SCAPER: variants seen among roughly 807,000 people sequenced by gnomAD.
SCAPER encodes the protein S phase cyclin A-associated protein in the endoplasmic reticulum.
Under a neutral mutation model 182.2 loss-of-function variants are expected in SCAPER, and 98 were observed. That is an observed-to-expected ratio of 0.54 (90% CI 0.46 to 0.64). SCAPER has a LOEUF of 0.64. Ranked by LOEUF, SCAPER falls within the 30% of genes least tolerant of loss-of-function variation. The pLI, the probability that SCAPER is intolerant of heterozygous loss-of-function variation, is 0.00. For synonymous variants in SCAPER, 605 were observed against 564.6 expected (o/e 1.07, Z -1.01); for missense variants, 1,432 against 1,690.0 (o/e 0.85, Z 2.68).
At chr15:76,718,348 G>A (rs925566636) in intron 17 of SCAPER, among the ~76,000 whole-genome samples, 1 of 152,072 alleles carries the variant, frequency 6.6e-6, no homozygotes, top group African/African-American at 2.4e-5. Context: ...TAAGGAATGG[G>A]GCAAAATATT....
At chr15:76,664,229 A>G (rs1193802889) in intron 21 of SCAPER, among the ~76,000 whole-genome samples, 1 of 152,212 alleles carries the variant, frequency 6.6e-6, no homozygotes, top group Non-Finnish European at 1.5e-5. Flanking sequence ...GGGCAGAAAC[A>G]AGACTAGTCA....
At chr15:76,884,699 A>T (rs1187400995) in intron 1 of SCAPER, among the ~76,000 whole-genome samples, 1 of 152,244 alleles carries the variant, frequency 6.6e-6, no homozygotes, top group African/African-American at 2.4e-5. Context: ...TCCGGATAAA[A>T]ATTTATATGC....
At chr15:76,812,721 T>C (rs1444060933) in intron 5 of SCAPER, among the ~76,000 whole-genome samples, 1 of 151,804 alleles carries the variant, frequency 6.6e-6, no homozygotes, top group Non-Finnish European at 1.5e-5. Flanking sequence ...CCTAGAAACA[T>C]ACAACATGCC....
At chr15:76,542,177 C>T (rs1032547978) in intron 23 of SCAPER, among the ~76,000 whole-genome samples, 31 of 152,134 alleles carry the variant, frequency 2.0e-4, no homozygotes, top group Non-Finnish European at 4.4e-5. Flanking sequence ...AGATAAATTG[C>T]AGCCCAGAGA....
intron 20 of SCAPER, among the ~76,000 whole-genome samples, chr15:76,680,979 T>C (rs1038474926): frequency 6.6e-6 from 1 of 152,168 alleles, no homozygotes; most frequent in African/African-American, 2.4e-5. Context: ...ATCAGAGATT[T>C]CAATATCCTC....
chr15:76,644,803 T>C (rs572422529), intron 21 of SCAPER, among the ~76,000 whole-genome samples: 25 of 152,206 alleles, frequency 1.6e-4, no homozygotes, highest in East Asian at 7.7e-4. Flanking sequence ...TATGCACATA[T>C]ATAAACAGAA....
At chr15:76,551,633 C>G (rs2045779290) in intron 23 of SCAPER, among the ~76,000 whole-genome samples, 3 of 152,118 alleles carry the variant, frequency 2.0e-5, no homozygotes, top group African/African-American at 7.2e-5. Flanking sequence ...TTCTGGCATT[C>G]TATTGCACAG....
At chr15:76,608,514 T>A (rs926031024) in intron 22 of SCAPER, among the ~76,000 whole-genome samples, 1 of 152,120 alleles carries the variant, frequency 6.6e-6, no homozygotes, top group Non-Finnish European at 1.5e-5. Flanking sequence ...TCAAGTTGCG[T>A]GCTGGGAGAA....
chr15:76,856,904 C>T (rs2071429567), intron 4 of SCAPER, among the ~76,000 whole-genome samples: 1 of 151,876 alleles, frequency 6.6e-6, no homozygotes, highest in South Asian at 2.1e-4. Flanking sequence ...AATAACAACA[C>T]ATATGAAAAT....
At chr15:76,606,778 CTTT>C (rs1450943159) in intron 22 of SCAPER, among the ~76,000 whole-genome samples, 1 of 151,912 alleles carries the variant, frequency 6.6e-6, no homozygotes, top group African/African-American at 2.4e-5. Flanking sequence ...TAATGGCCTT[CTTT>C]GTCTCTTTTG....
intron 21 of SCAPER, 142 bp downstream of exon 21, chr15:76,665,511 G>C (rs765675538): frequency 7.5e-5 from 71 of 944,326 alleles, no homozygotes; most frequent in Middle Eastern, 7.0e-4. Context: ...CAAGGAAAGT[G>C]GCTATAAATT....
rs767737796 is a variant in SCAPER, at chr15:76,631,441, T to C, written c.2646-9612A>G. On this transcript the variant is annotated intron_variant, in intron 21 of 31. Coordinates refer to ENST00000563290, the MANE Select transcript of SCAPER (RefSeq NM_020843.4). ...AGTGGCTGGTAACGTTCTTTCCTTT[T>C]CATATTTAGTGCTTCCTTCAGGAGC... Among the ~76,000 whole-genome samples, 126 of 152,214 alleles carry C rather than the reference T, an allele frequency of 8.3e-4. 2 individuals are homozygous for C. Among genetic ancestry groups the C allele is most frequent in the Non-Finnish European group, 7.1e-4 (48 of 68,040 alleles).
At chr15:76,676,931 G>GGAAGAAAAAGCAGTATCTTTCAAGTAAA (rs2057402454) in intron 20 of SCAPER, among the ~76,000 whole-genome samples, 1 of 151,540 alleles carries the variant, frequency 6.6e-6, no homozygotes, top group African/African-American at 2.4e-5. Flanking sequence ...TTAAGGAAAT[G>GGAAGAAAAAGCAGTATCTTTCAAGTAAA]GAAGAAAAAG....
intron 5 of SCAPER, among the ~76,000 whole-genome samples, chr15:76,822,879 C>T (rs753974492): frequency 3.9e-5 from 6 of 152,176 alleles, no homozygotes; most frequent in African/African-American, 7.2e-5. Context: ...ATTACTACAA[C>T]AGTCAAAGCT....
At chr15:76,902,020 C>G (rs2074816150) in intron 1 of SCAPER, among the ~76,000 whole-genome samples, 1 of 152,192 alleles carries the variant, frequency 6.6e-6, no homozygotes, top group Non-Finnish European at 1.5e-5. Flanking sequence ...TACCCAGCCT[C>G]TAATAATTTT....
intron 15 of SCAPER, among the ~76,000 whole-genome samples, chr15:76,748,617 TCCAG>T (rs1446048272): frequency 6.7e-6 from 1 of 150,158 alleles, no homozygotes; most frequent in Non-Finnish European, 1.5e-5. Flanking sequence ...GGATCTAGTA[TCCAG>T]AACATACAAG....
chr15:76,428,800 T>A (rs1260409652), intron 26 of SCAPER, among the ~76,000 whole-genome samples: 1 of 148,660 alleles, frequency 6.7e-6, no homozygotes, highest in East Asian at 2.0e-4. Context: ...CTTCTGAATG[T>A]TCTTACCACA....
intron 22 of SCAPER, among the ~76,000 whole-genome samples, chr15:76,576,271 C>A (rs1440461410): frequency 1.3e-5 from 2 of 152,042 alleles, no homozygotes; most frequent in Non-Finnish European, 2.9e-5. Context: ...GGTTGAGGTG[C>A]GAGGACTGCT....
chr15:76,771,266 C>G (rs991848003), intron 10 of SCAPER, among the ~76,000 whole-genome samples: 2 of 151,968 alleles, frequency 1.3e-5, no homozygotes, highest in Non-Finnish European at 2.9e-5. Context: ...TAAATAATCA[C>G]AAATCAATGC....
Sources: gnomAD v4.1 joint callset for allele counts (sites outside exome capture counted in the v4.1 genomes callset) on GRCh38, gnomAD v4.1.1 for gene constraint, MANE v1.5 for transcripts, NCBI Gene and HGNC (gene_info 2026-07-23, HGNC 2026-07-21) for gene names.